The following IRAK2 variants were observed in gnomAD, a reference collection of about 807,000 sequenced individuals.
The protein encoded by IRAK2 is interleukin-1 receptor-associated kinase-like 2.
Under a neutral mutation model 72.0 loss-of-function variants are expected in IRAK2, and 57 were observed. That is an observed-to-expected ratio of 0.79 (90% confidence interval 0.64 to 0.99). IRAK2 has a LOEUF of 0.99. IRAK2 is among the 50% of genes least tolerant of loss of function. The pLI is 0.00. For missense variants in IRAK2, 790 were observed against 794.4 expected (o/e 0.99, Z 0.07); for synonymous variants, 293 against 312.7 (o/e 0.94, Z 0.67).
chr3:10,231,374 C>G (rs567717079), intron 10 of IRAK2, among the ~76,000 whole-genome samples: 1 of 152,246 alleles, frequency 6.6e-6, no homozygotes, highest in Admixed American at 6.5e-5. Flanking sequence ...TTACCACAAC[C>G]TCTGTCTCCC....
chr3:10,227,793 C>T (rs9852527), intron 10 of IRAK2, among the ~76,000 whole-genome samples: 2,271 of 151,952 alleles, frequency 0.015, 33 homozygotes, highest in Middle Eastern at 0.044. Context: ...CTCAGCCTCC[C>T]GAGCAGCTGG....
At chr3:10,172,837 C>CA (rs533137515) in intron 1 of IRAK2, among the ~76,000 whole-genome samples, 31,130 of 53,586 alleles carry the variant, frequency 0.58, 9,836 homozygotes, top group Non-Finnish European at 0.7. Flanking sequence ...GACTCTGTCT[C>CA]AAAAAAAAAA....
chr3:10,230,378 A>G (rs1182007756), intron 10 of IRAK2, among the ~76,000 whole-genome samples: 1 of 151,778 alleles, frequency 6.6e-6, no homozygotes, highest in Non-Finnish European at 1.5e-5. Context: ...GGAGGAGTGC[A>G]GTGGCATGAT....
intron 1 of IRAK2, among the ~76,000 whole-genome samples, chr3:10,165,966 G>A (rs1389902254): frequency 6.6e-6 from 1 of 151,900 alleles, no homozygotes; most frequent in Non-Finnish European, 1.5e-5. Flanking sequence ...CTGACCTTGT[G>A]ATCCGCCCAC....
chr3:10,175,346 C>A (rs573179314), intron 1 of IRAK2, among the ~76,000 whole-genome samples: 1 of 151,952 alleles, frequency 6.6e-6, no homozygotes, highest in East Asian at 2.0e-4. Context: ...AGGCTAGTAT[C>A]GAACTCCTGA....
rs532558189 is a variant in IRAK2 at position 10,204,135 on chromosome 3, G to A, written c.424+3620G>A. Among the ~76,000 whole-genome samples the A allele has an allele frequency of 1.1e-3, 167 of 152,334 alleles. 1 individual carries two copies. The highest frequency in any genetic ancestry group is 3.9e-3 in the African/African-American group (162 of 41,562). ...CAGCCTTGGTAAAATACCAAGTACT[G>A]CATGTGTCACAGCCTGACCTTTGTG... On this transcript the variant is annotated intron_variant, in intron 3 of 12. Coordinates refer to ENST00000256458, the MANE Select transcript of IRAK2 (RefSeq NM_001570.4).
At chr3:10,212,825 C>T (rs1017440553) in intron 4 of IRAK2, among the ~76,000 whole-genome samples, 14 of 138,980 alleles carry the variant, frequency 1.0e-4, no homozygotes, top group Admixed American at 8.6e-4. Context: ...AGTGCAGTGG[C>T]GCGATCTCGG....
chr3:10,183,274 C>G (rs1696991921), intron 2 of IRAK2, among the ~76,000 whole-genome samples: 1 of 152,184 alleles, frequency 6.6e-6, no homozygotes, highest in Admixed American at 6.5e-5. Context: ...GGGGCCATAT[C>G]CCTGCACAGT....
At chr3:10,191,889 T>A (rs1459872176) in intron 2 of IRAK2, among the ~76,000 whole-genome samples, 1 of 152,182 alleles carries the variant, frequency 6.6e-6, no homozygotes, top group Non-Finnish European at 1.5e-5. Flanking sequence ...AATGAATGAA[T>A]GAATGAATGA....
chr3:10,241,980 A>T (rs1369306659), intron 12 of IRAK2, 136 bp from the exon 13 acceptor site: 2 of 471,264 alleles, frequency 4.2e-6, no homozygotes, highest in Non-Finnish European at 7.1e-6. Context: ...CTCGATAAAA[A>T]AAAAAGAAAA....
chr3:10,226,186 G>T (rs1697772690), intron 9 of IRAK2, among the ~76,000 whole-genome samples, 185 bp from the exon 10 acceptor site: 1 of 152,076 alleles, frequency 6.6e-6, no homozygotes, highest in African/African-American at 2.4e-5. Context: ...TGGCAGCTTG[G>T]TGGCATCTTT....
Position 10,205,117 on chromosome 3 carries a change from A to G in IRAK2, c.425-4472A>G, listed in dbSNP as rs184125266. Among the ~76,000 whole-genome samples the G allele has an allele frequency of 1.5e-4, 23 of 152,234 alleles. No homozygotes were observed. In the East Asian group the frequency reaches 3.7e-3, roughly 24 times the overall value. On this transcript the variant is annotated intron_variant, in intron 3 of 12. Transcript: ENST00000256458. ...ATGATCCACCCATGGCCAACTTCTG[A>G]TTAGTTTGTATGGAATCCAGGGAGA... is the stretch of plus-strand genomic sequence containing the variant.
At chr3:10,214,331 T>C (rs1377641248) in intron 6 of IRAK2, among the ~76,000 whole-genome samples, 1 of 151,228 alleles carries the variant, frequency 6.6e-6, no homozygotes. Flanking sequence ...GGGCTGGTGA[T>C]CCTCCCACCT....
At chr3:10,191,753 C>T (rs190668908) in intron 2 of IRAK2, among the ~76,000 whole-genome samples, 38 of 152,254 alleles carry the variant, frequency 2.5e-4, no homozygotes, top group Non-Finnish European at 5.0e-4. Context: ...CCATCAGGCA[C>T]CCCTCCCTCG....
At chr3:10,239,069 G>A (rs11465932) in intron 12 of IRAK2, 30 bp downstream of exon 12, 755,247 of 1,532,230 alleles carry the variant, frequency 0.49, 190,916 homozygotes, top group Admixed American at 0.53. Context: ...GCATTTGGAT[G>A]CTCATGTGTG....
At chr3:10,224,072 C>A (rs1038229487) in intron 9 of IRAK2, among the ~76,000 whole-genome samples, 4 of 152,148 alleles carry the variant, frequency 2.6e-5, no homozygotes. Context: ...AGTGGTGGCA[C>A]ATGCCTAAAA....
In IRAK2 at chr3:10,235,752, C is replaced by T. The variant is rs191099690; in HGVS notation, c.1473+1093C>T. Among the ~76,000 whole-genome samples, 5 of 152,258 alleles carry T rather than the reference C, an allele frequency of 3.3e-5. No homozygotes were observed. In the East Asian group the frequency reaches 9.7e-4, roughly 29 times the overall value. On this transcript the variant is annotated intron_variant, in intron 11 of 12. Transcript: ENST00000256458. ...GCTGTAGCCCAAGCCTCCCATTTTA[C>T]AGAAGGGCAAGTGAAGGGCCACAGA... is the stretch of plus-strand genomic sequence containing the variant.
At chr3:10,182,439 C>T (rs570425894) in intron 2 of IRAK2, among the ~76,000 whole-genome samples, 100 of 152,048 alleles carry the variant, frequency 6.6e-4, no homozygotes, top group African/African-American at 2.2e-3. Context: ...CCCGCCACCA[C>T]GCCCGGCTAA....
intron 9 of IRAK2, among the ~76,000 whole-genome samples, chr3:10,225,185 T>G (rs573333185): frequency 1.3e-5 from 2 of 152,344 alleles, no homozygotes; most frequent in African/African-American, 4.8e-5. Context: ...GGAGGGATTC[T>G]TGGCTATAAA....
Sources: gnomAD v4.1 joint callset for allele counts (sites outside exome capture counted in the v4.1 genomes callset) on GRCh38, gnomAD v4.1.1 for gene constraint, MANE v1.5 for transcripts, NCBI Gene and HGNC (gene_info 2026-07-23, HGNC 2026-07-21) for gene names.